The following PXDNL variants were observed in gnomAD, a reference collection of about 807,000 sequenced individuals.
PXDNL encodes probable oxidoreductase PXDNL.
PXDNL carries 145 observed loss-of-function variants against 150.8 expected under a neutral mutation model. That is an observed-to-expected ratio of 0.96 (90% CI 0.84 to 1.10). The LOEUF is 1.10. Among genes scored for constraint, PXDNL ranks in the 50% least tolerant of loss-of-function variants. PXDNL has a pLI of 0.00. For missense variants in PXDNL, 2,087 were observed against 1,873.9 expected (o/e 1.11, Z -2.10); for synonymous variants, 757 against 725.7 (o/e 1.04, Z -0.69).
At chr8:51,775,750 T>G (rs2037345031) in intron 1 of PXDNL, among the ~76,000 whole-genome samples, 2 of 152,200 alleles carry the variant, frequency 1.3e-5, no homozygotes, top group Non-Finnish European at 2.9e-5. Flanking sequence ...GACCCTGTGA[T>G]GATTGCATTA....
intron 5 of PXDNL, among the ~76,000 whole-genome samples, chr8:51,485,598 G>T (rs1810712774): frequency 6.6e-6 from 1 of 151,974 alleles, no homozygotes; most frequent in African/African-American, 2.4e-5. Context: ...TGTTAAATAG[G>T]GTCAGCCTGA....
chr8:51,761,008 G>A (rs575103330), intron 1 of PXDNL, among the ~76,000 whole-genome samples: 2 of 147,782 alleles, frequency 1.4e-5, no homozygotes, highest in Admixed American at 6.7e-5. Flanking sequence ...ACAGGCGCCC[G>A]CCACAACGCC....
intron 5 of PXDNL, among the ~76,000 whole-genome samples, chr8:51,496,183 A>T (rs1168234306): frequency 1.3e-5 from 2 of 152,230 alleles, no homozygotes; most frequent in African/African-American, 2.4e-5. Flanking sequence ...CAAAAACCAT[A>T]TGATTATCTC....
chr8:51,349,169 GT>G (rs1190575582), intron 19 of PXDNL, among the ~76,000 whole-genome samples: 1,340 of 72,746 alleles, frequency 0.018, 31 homozygotes, highest in African/African-American at 0.041. Flanking sequence ...GTGGGTGTGT[GT>G]GTGGGGGTGT....
At chr8:51,613,210 AT>A (rs1308685608) in intron 2 of PXDNL, among the ~76,000 whole-genome samples, 1 of 151,680 alleles carries the variant, frequency 6.6e-6, no homozygotes, top group African/African-American at 2.4e-5. Flanking sequence ...ACCAAAAAAA[AT>A]ATATATATAT....
chr8:51,475,547 C>G (rs977425027), intron 6 of PXDNL, among the ~76,000 whole-genome samples: 1 of 152,070 alleles, frequency 6.6e-6, no homozygotes. Flanking sequence ...AAGGATCACT[C>G]GAGGCCAGGA....
chr8:51,592,837 C>T (rs556786691), intron 2 of PXDNL, 139 bp from the exon 3 acceptor site: 235 of 513,534 alleles, frequency 4.6e-4, no homozygotes, highest in Non-Finnish European at 6.7e-4. Flanking sequence ...GAAATTTATA[C>T]TTTAATTCCC....
intron 1 of PXDNL, among the ~76,000 whole-genome samples, chr8:51,717,772 G>A (rs1816644367): frequency 6.6e-6 from 1 of 152,202 alleles, no homozygotes; most frequent in Admixed American, 6.5e-5. Context: ...TGCAGCAGCA[G>A]GAGAGGGAGA....
intron 3 of PXDNL, among the ~76,000 whole-genome samples, chr8:51,573,866 C>A (rs762606650): frequency 6.6e-6 from 1 of 151,946 alleles, no homozygotes; most frequent in East Asian, 1.9e-4. Flanking sequence ...TATAGATGGG[C>A]TCTAATTTTA....
At chr8:51,623,567 G>A (rs902633060) in intron 2 of PXDNL, among the ~76,000 whole-genome samples, 1 of 152,120 alleles carries the variant, frequency 6.6e-6, no homozygotes, top group Non-Finnish European at 1.5e-5. Context: ...CCTCCATTGT[G>A]GGGAAGGTGT....
intron 17 of PXDNL, among the ~76,000 whole-genome samples, chr8:51,392,303 G>T (rs1406962435): frequency 6.6e-6 from 1 of 152,124 alleles, no homozygotes; most frequent in South Asian, 2.1e-4. Flanking sequence ...GATGGGGATG[G>T]CGTTGAATCT....
intron 21 of PXDNL, among the ~76,000 whole-genome samples, chr8:51,322,265 A>C (rs1040050741): frequency 7.9e-5 from 12 of 152,124 alleles, no homozygotes; most frequent in Admixed American, 7.2e-4. Context: ...AAAGCATTTG[A>C]GCTGTGAGAG....
intron 21 of PXDNL, among the ~76,000 whole-genome samples, chr8:51,336,338 A>G (rs530979400): frequency 2.0e-5 from 3 of 152,362 alleles, no homozygotes; most frequent in African/African-American, 7.2e-5. Flanking sequence ...ATGGTGAGTA[A>G]TAGAAAAACC....
intron 3 of PXDNL, among the ~76,000 whole-genome samples, chr8:51,564,919 C>A (rs1167688786): frequency 6.6e-6 from 1 of 151,792 alleles, no homozygotes; most frequent in Admixed American, 6.6e-5. Flanking sequence ...GATAAGTAAT[C>A]ATGTAATTTG....
intron 2 of PXDNL, among the ~76,000 whole-genome samples, chr8:51,610,350 G>A (rs1813973012): frequency 6.6e-6 from 1 of 152,116 alleles, no homozygotes; most frequent in South Asian, 2.1e-4. Flanking sequence ...AAACTAGTGT[G>A]AAGGTTTTAT....
At chr8:51,589,221 C>A (rs1813388446) in intron 3 of PXDNL, among the ~76,000 whole-genome samples, 1 of 152,142 alleles carries the variant, frequency 6.6e-6, no homozygotes, top group Non-Finnish European at 1.5e-5. Flanking sequence ...TTATAAATTT[C>A]CCAGTCTGTA....
intron 1 of PXDNL, among the ~76,000 whole-genome samples, chr8:51,800,582 A>G (rs946702433): frequency 1.2e-4 from 18 of 152,204 alleles, no homozygotes; most frequent in Non-Finnish European, 2.9e-5. Flanking sequence ...AGGGACCCTG[A>G]ACGGAGGGAC....
chr8:51,809,305 G>A lies in PXDNL; in HGVS notation c.40C>T (p.Leu14=). The A allele has an allele frequency of 6.3e-7, 1 of 1,576,800 alleles. No homozygotes were observed. The highest frequency in any genetic ancestry group is 8.6e-7 in the Non-Finnish European group (1 of 1,161,252). The stretch of plus-strand genomic sequence containing the variant: ...AACCCTGGCAGGCACCACCCGGCCA[G>A]GAGAAAGAGAGTGGTCCAGCAGAAC... ...RLFCWTTLFL[L]AGWCLPGLPC... is the part of the protein sequence containing the mutation. The change falls in exon 1 of 23, where the codon CTG becomes TTG. Residue 14 remains leucine (L), a synonymous_variant. Coordinates refer to ENST00000356297, the MANE Select transcript of PXDNL (RefSeq NM_144651.5).
At chr8:51,788,215 G>A (rs2037478344) in intron 1 of PXDNL, among the ~76,000 whole-genome samples, 1 of 152,186 alleles carries the variant, frequency 6.6e-6, no homozygotes, top group African/African-American at 2.4e-5. Context: ...CAATATCTTT[G>A]TAATGACTGT....
Sources: allele counts gnomAD v4.1 joint callset (sites outside exome capture counted in the v4.1 genomes callset), GRCh38; gene constraint gnomAD v4.1.1; transcripts MANE v1.5; gene names NCBI Gene and HGNC (gene_info 2026-07-23, HGNC 2026-07-21).